CLEC1B: variants seen among roughly 807,000 people sequenced by gnomAD.
The protein encoded by CLEC1B is C-type lectin domain family 1 member B, also known as C-type lectin-like receptor 2.
Under a neutral mutation model 26.7 loss-of-function variants are expected in CLEC1B, and 26 were observed. The ratio of observed to expected loss-of-function variants is 0.97; its 90% CI spans 0.71 to 1.35. The LOEUF (loss-of-function observed/expected upper bound fraction) is 1.35, where lower values mean the gene tolerates loss of function less well. Ranked by LOEUF, CLEC1B falls within the 40% of genes most tolerant of loss-of-function variation. CLEC1B has a pLI of 0.00. For synonymous variants in CLEC1B, 112 were observed against 96.0 expected, an observed-to-expected ratio of 1.17 and a Z score of -0.97; for missense variants, 293 against 282.6, an observed-to-expected ratio of 1.04 and a Z score of -0.26.
upstream of CLEC1B, among the ~76,000 whole-genome samples, chr12:10,000,464 T>A (rs4764180): frequency 0.39 from 59,551 of 152,074 alleles, 11,888 homozygotes; most frequent in Non-Finnish European, 0.42. Flanking sequence ...AAACTTAGTA[T>A]GATTCAAATA....
intron 4 of CLEC1B, chr12:9,995,481 C>G: frequency 2.2e-6 from 1 of 449,614 alleles, no homozygotes; most frequent in Non-Finnish European, 4.1e-6. Context: ...TTCTAATCTT[C>G]TTTTGTGTTT....
At chr12:10,001,645 G>A (rs1865160783), upstream of CLEC1B, among the ~76,000 whole-genome samples, 1 of 152,192 alleles carries the variant, frequency 6.6e-6, no homozygotes, top group Non-Finnish European at 1.5e-5. Flanking sequence ...TTCTATAAAT[G>A]TAAGTTGAGT....
At chr12:9,993,584 C>T (rs370397076) in intron 5 of CLEC1B, among the ~76,000 whole-genome samples, 33 of 151,996 alleles carry the variant, frequency 2.2e-4, no homozygotes, top group African/African-American at 7.5e-4. Context: ...AATGGGAAAA[C>T]GCATTATCTA....
intron 5 of CLEC1B, 149 bp downstream of exon 5, chr12:9,994,991 T>A: frequency 6.5e-7 from 1 of 1,541,598 alleles, no homozygotes; most frequent in Non-Finnish European, 8.8e-7. Flanking sequence ...AATTGTCTTA[T>A]GACCAGCGCT....
In CLEC1B at chr12:9,995,045, A is replaced by T. The variant is rs745603238; in HGVS notation, c.545+95T>A. The T allele has an allele frequency of 1.9e-6, 3 of 1,588,596 alleles. No individual in the cohort carries two copies. In the African/African-American group the frequency reaches 4.0e-5, roughly 21 times the overall value. On this transcript the variant is annotated intron_variant, in intron 5 of 5. Transcript: ENST00000298527. ...GGTAAGTGACCCAGCTGCTGCTTCT[A>T]TAACCCATAGTAGTGACTTGGACTG...
intron 2 of CLEC1B, 54 bp downstream of exon 2, chr12:9,998,228 G>T: frequency 7.5e-7 from 1 of 1,331,950 alleles, no homozygotes; most frequent in South Asian, 1.2e-5. Flanking sequence ...GATATGCCAT[G>T]ACCCTTCAGT....
chr12:9,999,957 T>C (rs78341054), upstream of CLEC1B, among the ~76,000 whole-genome samples: 3,487 of 152,338 alleles, frequency 0.023, 55 homozygotes, highest in Non-Finnish European at 0.036. Context: ...CACTTAACTT[T>C]ATGAAATGGG....
chr12:9,998,356 C>T lies in CLEC1B; in HGVS notation c.89G>A (p.Trp30Ter), dbSNP rs1381419657. The stretch of plus-strand genomic sequence containing the variant: ...CAGCAGAATCAAAGCCATCACACGC[C>T]ACCAGGAGGAGGATGCAGAGCCAAC... ...ISVGSASSSW[W>*]RVMALILLIL... Residue 30 changes from tryptophan to a stop codon, truncating the protein, a stop_gained, in exon 2 of 6, where the codon TGG (tryptophan) becomes TAG (stop). Transcript: ENST00000298527. LOFTEE classifies it high-confidence loss of function. 1 of 1,613,992 alleles carries T rather than the reference C, an allele frequency of 6.2e-7. No homozygotes were observed. The highest frequency in any genetic ancestry group is 1.7e-5 in the Admixed American group (1 of 60,002).
Position 9,995,170 on chromosome 12 carries a change from CACTTCCAGACCTCATTCG to C in CLEC1B, c.497_514del (p.Ser166_Lys171del). The C allele has an allele frequency of 6.2e-7, 1 of 1,613,080 alleles. No individual in the cohort carries two copies. The highest frequency in any genetic ancestry group is 1.3e-5 in the African/African-American group (1 of 74,984). On this transcript the variant is annotated inframe_deletion, in exon 5 of 6. Coordinates refer to ENST00000298527, the MANE Select transcript of CLEC1B (RefSeq NM_016509.4). ...TTCTGAGATAACCGAGCCATCCTCC[CACTTCCAGACCTCATTCG>C]ACTTCTGGCGAGATAATCCGACCCA...
Position 9,997,606 on chromosome 12 carries a change from C to T in CLEC1B, c.164-327G>A, listed in dbSNP as rs532571523. Among the ~76,000 whole-genome samples, 42 of 152,264 alleles carry T rather than the reference C, an allele frequency of 2.8e-4. No homozygotes were observed. In the South Asian group the frequency reaches 8.7e-3, roughly 32 times the overall value. ...GCTGAGTTATAGAGGTGAATGACCT[C>T]TTATTTTCTGTTCTTTCTGTGATGC... On this transcript the variant is annotated intron_variant, in intron 2 of 5. Transcript: ENST00000298527.
Position 9,996,879 on chromosome 12 carries a change from A to G in CLEC1B, c.405T>C (p.Ala135=), listed in dbSNP as rs1264915817. Residue 135 remains alanine, a synonymous_variant, in exon 4 of 6, where the codon GCT becomes GCC. Coordinates refer to ENST00000298527, the MANE Select transcript of CLEC1B (RefSeq NM_016509.4). ...TCCGGTTGTCAATCTTCAGGAGAGTAGCATTCATGTCAGTGCAGTACTGCT... is the reference window on the plus strand; with the variant it reads ...TCCGGTTGTCAATCTTCAGGAGAGTGGCATTCATGTCAGTGCAGTACTGCT... The part of the protein sequence containing the change: ...ESKQYCTDMN[A]TLLKIDNRNI... The G allele has an allele frequency of 4.5e-5, 73 of 1,613,998 alleles. No individual in the cohort carries two copies. Among genetic ancestry groups the G allele is most frequent in the Non-Finnish European group, 6.0e-5 (71 of 1,179,982 alleles).
At chr12:9,995,033 G>A (rs746607238) in intron 5 of CLEC1B, 107 bp downstream of exon 5, 1 of 1,582,310 alleles carries the variant, frequency 6.3e-7, no homozygotes, top group Non-Finnish European at 8.6e-7. Flanking sequence ...AAGTGACCCA[G>A]CTGCTGCTTC....
chr12:9,993,198 T>A lies in CLEC1B; in HGVS notation c.635A>T (p.His212Leu). Reference protein sequence around the residue: ...KMHPTFCENKHYLMCERKAGM... With the variant: ...KMHPTFCENKLYLMCERKAGM... ...AGCCTTCCTCTCACACATTAAATAA[T>A]GTTTGTTCTCACAGAAGGTAGGGTG... Residue 212 changes from histidine (H) to leucine (L), a missense_variant, in exon 6 of 6, where the codon CAT (histidine) becomes CTT (leucine). Transcript: ENST00000298527. 2 of 1,612,900 alleles carry A rather than the reference T, an allele frequency of 1.2e-6. No homozygotes were observed. Among genetic ancestry groups the A allele is most frequent in the Non-Finnish European group, 1.7e-6 (2 of 1,179,248 alleles).
intron 4 of CLEC1B, 158 bp downstream of exon 4, chr12:9,996,688 A>G: frequency 1.3e-6 from 1 of 764,744 alleles, no homozygotes; most frequent in Non-Finnish European, 2.3e-6. Context: ...TGGATTGAAT[A>G]TCTGGGTTCT....
chr12:9,998,914 G>T, intron 1 of CLEC1B, 123 bp downstream of exon 1: 1 of 607,850 alleles, frequency 1.6e-6, no homozygotes, highest in Non-Finnish European at 2.8e-6. Flanking sequence ...ATGCTTTAGA[G>T]CATTAACATC....
upstream of CLEC1B, among the ~76,000 whole-genome samples, chr12:10,000,984 T>C (rs146631255): frequency 1.1e-3 from 169 of 152,324 alleles, no homozygotes; most frequent in African/African-American, 3.9e-3. Flanking sequence ...GAGGTTATAG[T>C]ACAAATGACA....
chr12:9,996,799 G>T (rs759152150), intron 4 of CLEC1B, 47 bp downstream of exon 4: 3 of 1,601,826 alleles, frequency 1.9e-6, no homozygotes, highest in African/African-American at 1.3e-5. Context: ...TACATTTGAG[G>T]TTTCTCTTCC....
intron 2 of CLEC1B, 69 bp downstream of exon 2, chr12:9,998,213 A>T: frequency 1.7e-6 from 2 of 1,144,220 alleles, no homozygotes; most frequent in Non-Finnish European, 2.7e-6. Context: ...TGAGAAGCTT[A>T]GTGGGATATG....
Position 9,996,661 on chromosome 12 carries a change from T to C in CLEC1B, c.438+185A>G, listed in dbSNP as rs1387145119. 7 of 712,836 alleles carry C rather than the reference T, an allele frequency of 9.8e-6. No individual in the cohort carries two copies. In the Admixed American group the frequency reaches 1.4e-4, roughly 14 times the overall value. The allele number at this position is 712,836 out of a possible 1,614,324, so 44.2% of individuals were successfully genotyped here. On this transcript the variant is annotated intron_variant, in intron 4 of 5. Coordinates refer to ENST00000298527, the MANE Select transcript of CLEC1B (RefSeq NM_016509.4). ...ATTTGACTGATCAACTCTATCAGTGTTGTAGAATATTATGAGTGGATTGAA... is the reference window on the plus strand; with the variant it reads ...ATTTGACTGATCAACTCTATCAGTGCTGTAGAATATTATGAGTGGATTGAA...
Sources: gnomAD v4.1 joint callset for allele counts (sites outside exome capture counted in the v4.1 genomes callset) on GRCh38, gnomAD v4.1.1 for gene constraint, MANE v1.5 for transcripts, NCBI Gene and HGNC (gene_info 2026-07-23, HGNC 2026-07-21) for gene names.